Variants in GTF2A1 observed in about 807,000 individuals in gnomAD.
GTF2A1 encodes general transcription factor IIA subunit 1, also known as transcription initiation factor IIA subunit 1.
A neutral mutation model predicts 54.1 loss-of-function variants in GTF2A1; 12 were observed. That is an observed-to-expected ratio of 0.22 (90% CI 0.14 to 0.36). GTF2A1 has a LOEUF of 0.36. Among genes scored for constraint, GTF2A1 ranks in the 10% least tolerant of loss-of-function variants. The pLI is 1.00. For missense variants in GTF2A1, 335 were observed against 442.2 expected, an observed-to-expected ratio of 0.76 and a Z score of 2.17; for synonymous variants, 145 against 152.0, an observed-to-expected ratio of 0.95 and a Z score of 0.34.
At chr14:81,186,331 C>G (rs1892744714) in intron 7 of GTF2A1, among the ~76,000 whole-genome samples, 1 of 152,150 alleles carries the variant, frequency 6.6e-6, no homozygotes, top group African/African-American at 2.4e-5. Context: ...AAGAGCAATG[C>G]AATAGGCTAG....
At chr14:81,217,692 T>C (rs1322842729) in intron 1 of GTF2A1, among the ~76,000 whole-genome samples, 2 of 152,224 alleles carry the variant, frequency 1.3e-5, no homozygotes, top group East Asian at 3.9e-4. Flanking sequence ...CTTGGGAGGC[T>C]GAGGTGGGAG....
intron 6 of GTF2A1, among the ~76,000 whole-genome samples, chr14:81,195,635 AAAAAAAAAAAAAAG>A (rs1892976594): frequency 6.6e-6 from 1 of 150,430 alleles, no homozygotes; most frequent in South Asian, 2.1e-4. Flanking sequence ...CTGTCTCGAA[AAAAAAAAAAAAAAG>A]AAAAGAAAAA....
Position 81,202,833 on chromosome 14 carries a change from C to A in GTF2A1, c.337+1067G>T, listed in dbSNP as rs1379185341. 3 of 497,850 alleles carry A rather than the reference C, an allele frequency of 6.0e-6. No individual in the cohort carries two copies. The Admixed American group carries it at 6.5e-5, about 11-fold the overall frequency. The allele number at this position is 497,850 out of a possible 1,614,324, so 30.8% of individuals were successfully genotyped here. A position where few individuals can be genotyped will look rare whatever the true frequency, so the allele number is the denominator to read the frequency against. ...TGAAGGCAACAGGAAGAACAGTCAT[C>A]AAAAAAGAATAAAAGGATAAAATTA... On this transcript the variant is annotated intron_variant, in intron 3 of 8. Transcript: ENST00000553612.
intron 2 of GTF2A1, chr14:81,210,008 AT>A (rs1893325613): frequency 5.2e-6 from 2 of 383,378 alleles, no homozygotes; most frequent in African/African-American, 2.1e-5. Flanking sequence ...TGCTACTGAC[AT>A]TTTCGGCAGG....
chr14:81,208,336 G>T (rs1893287360), intron 2 of GTF2A1, among the ~76,000 whole-genome samples: 1 of 152,188 alleles, frequency 6.6e-6, no homozygotes, highest in Non-Finnish European at 1.5e-5. Flanking sequence ...GTGGTGTTGA[G>T]CCTGCAGGTG....
In GTF2A1 at chr14:81,175,558, GCTT is replaced by G. The variant is rs1333273901; in HGVS notation, c.*4662_*4664del. Reference sequence around the variant, plus strand: ...AGGATAAAAAAATACAAAAAGGCGAGCTTCTTAATGATTCAGCTGAATTAACTA... The same window carrying G: ...AGGATAAAAAAATACAAAAAGGCGAGCTTAATGATTCAGCTGAATTAACTA... On this transcript the variant is annotated 3_prime_UTR_variant, in exon 9 of 9. Coordinates refer to ENST00000553612, the MANE Select transcript of GTF2A1 (RefSeq NM_015859.4). The G allele has an allele frequency of 1.3e-5, 2 of 152,100 alleles. No individual in the cohort carries two copies. The highest frequency in any genetic ancestry group is 2.1e-4 in the South Asian group (1 of 4,832). The allele number at this position is 152,100 out of a possible 1,614,324, so 9.4% of individuals were successfully genotyped here.
intron 2 of GTF2A1, among the ~76,000 whole-genome samples, chr14:81,208,478 G>A (rs1367320349): frequency 3.3e-5 from 5 of 152,240 alleles, no homozygotes; most frequent in Non-Finnish European, 7.3e-5. Context: ...TGCTAGGGCA[G>A]TGCAGAAGAG....
intron 1 of GTF2A1, among the ~76,000 whole-genome samples, chr14:81,217,454 G>A (rs1893511307): frequency 6.6e-6 from 1 of 152,172 alleles, no homozygotes; most frequent in Non-Finnish European, 1.5e-5. Context: ...GAGTTGCCTG[G>A]TTATAAATCC....
chr14:81,192,487 AG>A, intron 7 of GTF2A1, 31 bp downstream of exon 7: 1 of 1,490,310 alleles, frequency 6.7e-7, no homozygotes, highest in Non-Finnish European at 9.2e-7. Context: ...ATAATCAAGT[AG>A]ATTATTTTAA....
At chr14:81,196,359 A>G in intron 5 of GTF2A1, 118 bp from the exon 6 acceptor site, 1 of 1,031,956 alleles carries the variant, frequency 9.7e-7, no homozygotes, top group Non-Finnish European at 1.5e-6. Context: ...GAAAACTAAC[A>G]ATTTTATTAA....
intron 2 of GTF2A1, among the ~76,000 whole-genome samples, chr14:81,211,315 GC>G (rs1893359185): frequency 6.6e-6 from 1 of 152,122 alleles, no homozygotes; most frequent in Admixed American, 6.5e-5. Context: ...TGCTATCAGA[GC>G]AGGTCACCGA....
At chr14:81,215,549 C>G (rs952058038) in intron 2 of GTF2A1, among the ~76,000 whole-genome samples, 1 of 152,078 alleles carries the variant, frequency 6.6e-6, no homozygotes, top group East Asian at 1.9e-4. Flanking sequence ...AACACAACTG[C>G]TAATAAAAAA....
At chr14:81,199,224 A>G (rs1448448727) in intron 4 of GTF2A1, among the ~76,000 whole-genome samples, 1 of 152,208 alleles carries the variant, frequency 6.6e-6, no homozygotes, top group Non-Finnish European at 1.5e-5. Context: ...TCCATATAGA[A>G]TACACGACCC....
chr14:81,207,831 G>A (rs1027909748), intron 2 of GTF2A1, among the ~76,000 whole-genome samples: 2 of 152,236 alleles, frequency 1.3e-5, no homozygotes, highest in African/African-American at 2.4e-5. Context: ...GCCGCTGCCC[G>A]AGAGATTTGT....
chr14:81,214,821 T>G (rs1893452379), intron 2 of GTF2A1, among the ~76,000 whole-genome samples: 2 of 152,208 alleles, frequency 1.3e-5, no homozygotes, highest in African/African-American at 4.8e-5. Context: ...ATAGCCATAT[T>G]TTAGTAAATA....
At position 81,185,537 on chromosome 14, in the gene GTF2A1, A is replaced by G. The variant is rs757074991; in HGVS notation, c.1017T>C (p.Tyr339=). Residue 339 remains tyrosine, a synonymous_variant, in exon 8 of 9, where the codon TAT becomes TAC. Coordinates refer to ENST00000553612, the MANE Select transcript of GTF2A1 (RefSeq NM_015859.4). ...FDTENVVVCQ[Y]DKIHRSKNKW... ...CTGAAGATGACATCCTTACCTTATC[A>G]TATTGGCATACAACAACATTTTCTG... is the stretch of plus-strand genomic sequence containing the variant. 18 of 1,511,498 alleles carry G rather than the reference A, an allele frequency of 1.2e-5. No individual in the cohort carries two copies. Among genetic ancestry groups the G allele is most frequent in the Admixed American group, 8.4e-5 (5 of 59,880 alleles). The allele number at this position is 1,511,498 out of a possible 1,614,324, so 93.6% of individuals were successfully genotyped here.
In GTF2A1 at chr14:81,180,212, A is replaced by G. The variant is rs1270160335; in HGVS notation, c.*11T>C. 8.9e-6 allele frequency: 9 copies of G among 1,006,714 alleles called. No individual in the cohort carries two copies. The highest frequency in any genetic ancestry group is 4.4e-4 in the Middle Eastern group (2 of 4,504). The allele number at this position is 1,006,714 out of a possible 1,614,324, so 62.4% of individuals were successfully genotyped here. Reference sequence around the variant, plus strand: ...AGTTTCTTTTATTTATAAAAGAAAAAAAGCAACTCTTCACCATTCTGCATC... The same window carrying G: ...AGTTTCTTTTATTTATAAAAGAAAAGAAGCAACTCTTCACCATTCTGCATC... On this transcript the variant is annotated 3_prime_UTR_variant, in exon 9 of 9. Transcript: ENST00000553612.
chr14:81,198,046 T>C (rs1893027681), intron 4 of GTF2A1, among the ~76,000 whole-genome samples: 1 of 152,204 alleles, frequency 6.6e-6, no homozygotes, highest in Non-Finnish European at 1.5e-5. Flanking sequence ...CAGCTGACAA[T>C]TCTTCTAAGA....
intron 2 of GTF2A1, among the ~76,000 whole-genome samples, chr14:81,204,805 T>G (rs1046468445): frequency 3.3e-4 from 50 of 152,314 alleles, no homozygotes; most frequent in African/African-American, 1.1e-3. Context: ...AAAATCATAA[T>G]GGACAAAAAG....
Sources: gnomAD v4.1 joint callset for allele counts (sites outside exome capture counted in the v4.1 genomes callset) on GRCh38, gnomAD v4.1.1 for gene constraint, MANE v1.5 for transcripts, NCBI Gene and HGNC (gene_info 2026-07-23, HGNC 2026-07-21) for gene names.